RMST: variants seen among roughly 807,000 people sequenced by gnomAD.
RMST encodes the protein rhabdomyosarcoma 2 associated transcript.
At chr12:97,521,933 T>C (rs11109092) in intron 10 of RMST, among the ~76,000 whole-genome samples, 21,771 of 152,124 alleles carry the variant, frequency 0.14, 2,650 homozygotes, top group African/African-American at 0.32. Flanking sequence ...GATTCCCTGA[T>C]TTTGTTTGTT....
intron 11 of RMST, among the ~76,000 whole-genome samples, chr12:97,538,814 C>T (rs1882290241): frequency 6.6e-6 from 1 of 151,248 alleles, no homozygotes; most frequent in South Asian, 2.1e-4. Context: ...TTCACTAAAA[C>T]AGGTTTAGAT....
chr12:97,547,154 T>C (rs547180574), intron 11 of RMST, among the ~76,000 whole-genome samples: 1 of 150,572 alleles, frequency 6.6e-6, no homozygotes, highest in Non-Finnish European at 1.5e-5. Context: ...TCCAGTTCAA[T>C]CTATGTTGCT....
intron 10 of RMST, among the ~76,000 whole-genome samples, chr12:97,525,703 AGCC>A: frequency 6.6e-6 from 1 of 152,180 alleles, no homozygotes; most frequent in South Asian, 2.1e-4. Context: ...TATATGCAAA[AGCC>A]TTGTTAAACA....
At chr12:97,559,570 G>A (rs1012985860) in intron 11 of RMST, among the ~76,000 whole-genome samples, 1 of 151,892 alleles carries the variant, frequency 6.6e-6, no homozygotes, top group African/African-American at 2.4e-5. Flanking sequence ...TAATATTATA[G>A]TCAGGAATAT....
chr12:97,550,944 C>T (rs982434699), intron 11 of RMST, among the ~76,000 whole-genome samples: 6 of 152,016 alleles, frequency 3.9e-5, no homozygotes, highest in African/African-American at 1.4e-4. Context: ...CTCTAATTGT[C>T]GCAACTCAGA....
At chr12:97,476,066 C>G (rs141357710) in intron 5 of RMST, among the ~76,000 whole-genome samples, 2 of 152,122 alleles carry the variant, frequency 1.3e-5, no homozygotes, top group Admixed American at 6.5e-5. Flanking sequence ...GAGCACAACT[C>G]CTTTTCAGTA....
chr12:97,474,604 A>T (rs1372313667), intron 5 of RMST, among the ~76,000 whole-genome samples: 2 of 135,576 alleles, frequency 1.5e-5, no homozygotes, highest in Admixed American at 8.8e-5. Flanking sequence ...AGACACACAC[A>T]ATTTGAAGAA....
At chr12:97,526,225 G>A (rs1448799970) in intron 10 of RMST, among the ~76,000 whole-genome samples, 1 of 151,974 alleles carries the variant, frequency 6.6e-6, no homozygotes, top group East Asian at 1.9e-4. Context: ...TATCATCTGT[G>A]CAGCTGGTCC....
chr12:97,492,405 T>A (rs1323886098), intron 5 of RMST: 1 of 157,310 alleles, frequency 6.4e-6, no homozygotes, highest in Non-Finnish European at 1.4e-5. Flanking sequence ...ATAAAGTTTT[T>A]TTGTTTATTT....
At position 97,523,555 on chromosome 12, in the gene RMST, A is replaced by G. The variant is rs192053553; in HGVS notation, n.1341-7100A>G. Among the ~76,000 whole-genome samples, 548 of 152,370 alleles carry G rather than the reference A, an allele frequency of 3.6e-3. 1 individual carries two copies. The highest frequency in any genetic ancestry group is 6.6e-3 in the Non-Finnish European group (447 of 68,038). ...CTAATTTGATTATTATACAATGTAT[A>G]CATGTATTAAAACATCACACTGTAC... On this transcript the variant is annotated intron_variant and non_coding_transcript_variant, in intron 10 of 13. Transcript: ENST00000640149.
intron 10 of RMST, among the ~76,000 whole-genome samples, chr12:97,520,368 G>A (rs948877198): frequency 6.6e-6 from 1 of 152,136 alleles, no homozygotes; most frequent in Non-Finnish European, 1.5e-5. Context: ...TATGCAGACA[G>A]GGCTCTGAGC....
At chr12:97,484,103 G>C (rs1027073711) in intron 5 of RMST, among the ~76,000 whole-genome samples, 19 of 152,218 alleles carry the variant, frequency 1.2e-4, no homozygotes, top group African/African-American at 4.6e-4. Context: ...TATTAATCTA[G>C]TTCTACTTTT....
intron 10 of RMST, among the ~76,000 whole-genome samples, chr12:97,518,051 CTT>C (rs1416666882): frequency 1.3e-5 from 2 of 152,046 alleles, no homozygotes; most frequent in African/African-American, 4.8e-5. Flanking sequence ...ATTATCCAAA[CTT>C]ATTTTTATTT....
chr12:97,482,950 G>GT (rs1298419162), intron 5 of RMST, among the ~76,000 whole-genome samples: 5 of 151,682 alleles, frequency 3.3e-5, no homozygotes, highest in African/African-American at 1.2e-4. Flanking sequence ...TTACACAACT[G>GT]TAAGTTTCTT....
chr12:97,482,738 T>C (rs909897635), intron 5 of RMST, among the ~76,000 whole-genome samples: 1 of 56,022 alleles, frequency 1.8e-5, no homozygotes, highest in Admixed American at 1.7e-4. Context: ...AATAAATTTA[T>C]ATTATTTATT....
intron 11 of RMST, among the ~76,000 whole-genome samples, chr12:97,551,659 A>T (rs561577973): frequency 6.6e-6 from 1 of 152,216 alleles, no homozygotes; most frequent in South Asian, 2.1e-4. Flanking sequence ...TCTGCTGTTT[A>T]TTATTTCAAA....
chr12:97,517,803 T>A (rs931413665), intron 10 of RMST, among the ~76,000 whole-genome samples: 3 of 152,102 alleles, frequency 2.0e-5, no homozygotes, highest in African/African-American at 7.2e-5. Context: ...CATGGGCTTC[T>A]GTAGTTACTT....
At chr12:97,533,435 G>T (rs949284547) in intron 11 of RMST, 1 of 151,758 alleles carries the variant, frequency 6.6e-6, no homozygotes, top group African/African-American at 2.4e-5. Context: ...CTGATGTCTG[G>T]AATTTCATTC....
At chr12:97,533,888 A>T (rs1029802346) in intron 11 of RMST, 1 of 151,976 alleles carries the variant, frequency 6.6e-6, no homozygotes, top group Non-Finnish European at 1.5e-5. Flanking sequence ...TTTTTGCACA[A>T]GCTTTTCATG....
Sources: allele counts gnomAD v4.1 joint callset (sites outside exome capture counted in the v4.1 genomes callset), GRCh38; gene constraint gnomAD v4.1.1; transcripts MANE v1.5; gene names NCBI Gene and HGNC (gene_info 2026-07-23, HGNC 2026-07-21).